The following SCML4 variants were observed in gnomAD, a reference collection of about 807,000 sequenced individuals.
The protein encoded by SCML4 is Scm polycomb group protein like 4.
A neutral mutation model predicts 41.1 loss-of-function variants in SCML4; 34 were observed. The ratio of observed to expected loss-of-function variants is 0.83; its 90% CI spans 0.63 to 1.10. SCML4 has a LOEUF of 1.10. SCML4 is among the 50% of genes least tolerant of loss of function. The pLI is 0.00. For synonymous variants in SCML4, 214 were observed against 220.9 expected, an observed-to-expected ratio of 0.97 and a Z score of 0.28; for missense variants, 522 against 534.1, an observed-to-expected ratio of 0.98 and a Z score of 0.22.
At chr6:107,712,661 C>G (rs1342926206) in intron 6 of SCML4, among the ~76,000 whole-genome samples, 4 of 152,126 alleles carry the variant, frequency 2.6e-5, no homozygotes, top group Non-Finnish European at 5.9e-5. Context: ...ACCTCGGGAG[C>G]TGCTCCTGAT....
rs746224053 is a variant in SCML4 at position 107,745,139 on chromosome 6, C to T, written c.492G>A (p.Ser164=). The T allele has an allele frequency of 3.3e-5, 52 of 1,566,954 alleles. No individual in the cohort carries two copies. Among genetic ancestry groups the T allele is most frequent in the Admixed American group, 5.7e-5 (3 of 52,770 alleles). Reference sequence around the variant, plus strand: ...GGTGCTGTTTGCCATCAAAGGAAGCCGAGACTGGAAAACCAGAGAGATGTC... The same window carrying T: ...GGTGCTGTTTGCCATCAAAGGAAGCTGAGACTGGAAAACCAGAGAGATGTC... ...QGYGGEMVSV[S]ASFDGKQHLR... is the part of the protein sequence containing the mutation. Residue 164 remains serine, a synonymous_variant, in exon 5 of 8, where the codon TCG becomes TCA. Transcript: ENST00000369020.
chr6:107,839,229 G>T, the SCML4 span, among the ~76,000 whole-genome samples: 1 of 151,808 alleles, frequency 6.6e-6, no homozygotes, highest in Non-Finnish European at 1.5e-5. Context: ...GGAAGACTGA[G>T]GCAGCAGTGA....
chr6:107,837,035 A>T, the SCML4 span, among the ~76,000 whole-genome samples: 1 of 152,154 alleles, frequency 6.6e-6, no homozygotes, highest in Non-Finnish European at 1.5e-5. Context: ...CCCTGCATAC[A>T]TTAGGAATTG....
intron 2 of SCML4, among the ~76,000 whole-genome samples, chr6:107,751,643 TTTC>T (rs869150188): frequency 6.9e-6 from 1 of 144,452 alleles, no homozygotes; most frequent in African/African-American, 2.6e-5. Context: ...TCTTTCTTTC[TTTC>T]TTTTTTGAGA....
At chr6:107,747,258 G>T (rs1583475717) in intron 3 of SCML4, among the ~76,000 whole-genome samples, 1 of 152,294 alleles carries the variant, frequency 6.6e-6, no homozygotes, top group African/African-American at 2.4e-5. Context: ...CTCCTCCAAA[G>T]GAGCTGTCAA....
intron 1 of SCML4, among the ~76,000 whole-genome samples, chr6:107,808,253 A>G (rs1327325024): frequency 9.2e-5 from 14 of 152,130 alleles, no homozygotes. Context: ...CCACAATGAC[A>G]TACACCCCAA....
chr6:107,764,678 CA>C (rs748488524), intron 2 of SCML4, among the ~76,000 whole-genome samples: 5 of 152,190 alleles, frequency 3.3e-5, no homozygotes, highest in African/African-American at 1.2e-4. Flanking sequence ...AAAAGAAAAA[CA>C]AAAAAGTTCT....
At chr6:107,810,061 C>T (rs1318743612) in intron 1 of SCML4, among the ~76,000 whole-genome samples, 2 of 152,174 alleles carry the variant, frequency 1.3e-5, no homozygotes, top group Non-Finnish European at 2.9e-5. Context: ...AGGCTGGCTG[C>T]TCGTGAGCAG....
At chr6:107,792,557 C>T (rs1782412017) in intron 1 of SCML4, among the ~76,000 whole-genome samples, 1 of 151,962 alleles carries the variant, frequency 6.6e-6, no homozygotes, top group African/African-American at 2.4e-5. Flanking sequence ...TGGTGAAACC[C>T]CATCTCTACT....
Position 107,704,700 on chromosome 6 carries a change from A to G in SCML4, c.*500T>C, listed in dbSNP as rs1773439382. 6.5e-6 allele frequency: 1 copy of G among 152,708 alleles called. No homozygotes were observed. The highest frequency in any genetic ancestry group is 1.5e-5 in the Non-Finnish European group (1 of 68,632). 9.5% of individuals were successfully genotyped at this position (152,708 alleles called of 1,614,324 possible). ...GCGTAAAATAATTCAAGTTTTCCAG[A>G]CAGTGCAAGGTGAGGCAGTCATCTT... On this transcript the variant is annotated 3_prime_UTR_variant, in exon 8 of 8. Coordinates refer to ENST00000369020, the MANE Select transcript of SCML4 (RefSeq NM_198081.5).
intron 5 of SCML4, among the ~76,000 whole-genome samples, chr6:107,742,112 A>T (rs1185706773): frequency 2.0e-5 from 3 of 151,842 alleles, no homozygotes; most frequent in African/African-American, 7.3e-5. Context: ...ATCAAACAGA[A>T]ATATTCAAAC....
chr6:107,757,482 C>T (rs1036737714), intron 2 of SCML4, among the ~76,000 whole-genome samples: 1 of 152,100 alleles, frequency 6.6e-6, no homozygotes. Context: ...CTGGCACATC[C>T]GCAGAGGGTA....
intron 1 of SCML4, among the ~76,000 whole-genome samples, chr6:107,812,843 C>A (rs1433150188): frequency 6.7e-6 from 1 of 149,706 alleles, no homozygotes; most frequent in Non-Finnish European, 1.5e-5. Flanking sequence ...ATCATTTGAC[C>A]AACTCCTTAT....
intron 5 of SCML4, among the ~76,000 whole-genome samples, chr6:107,742,766 C>T (rs1254446350): frequency 6.6e-6 from 1 of 151,882 alleles, no homozygotes; most frequent in East Asian, 1.9e-4. Flanking sequence ...GAGAATTCAC[C>T]ACCATCACAG....
chr6:107,746,580 G>T, intron 4 of SCML4, 109 bp downstream of exon 4: 2 of 937,346 alleles, frequency 2.1e-6, no homozygotes, highest in Non-Finnish European at 3.3e-6. Context: ...GAGCCCAGCA[G>T]ATGAAGGACA....
At chr6:107,803,260 GACCCTCTGCCTGGCAAC>G (rs1783397113) in intron 1 of SCML4, among the ~76,000 whole-genome samples, 2 of 140,296 alleles carry the variant, frequency 1.4e-5, no homozygotes, top group African/African-American at 2.7e-5. Context: ...GAAGTGAGGA[GACCCTCTGCCTGGCAAC>G]CGCCCCATCT....
chr6:107,812,261 C>T (rs531646870), intron 1 of SCML4, among the ~76,000 whole-genome samples: 4 of 152,220 alleles, frequency 2.6e-5, no homozygotes, highest in Non-Finnish European at 4.4e-5. Context: ...TCCCAGGAGA[C>T]ATTATGGAAG....
upstream of SCML4, among the ~76,000 whole-genome samples, chr6:107,828,309 C>T (rs914857700): frequency 4.6e-5 from 7 of 152,116 alleles, no homozygotes; most frequent in African/African-American, 9.7e-5. Flanking sequence ...TTCTATAACA[C>T]GGGACAAGGA....
intron 1 of SCML4, among the ~76,000 whole-genome samples, chr6:107,806,266 T>C (rs908563110): frequency 1.3e-5 from 2 of 152,042 alleles, no homozygotes; most frequent in Non-Finnish European, 2.9e-5. Context: ...CATGCTCATC[T>C]GCTCCTCATA....
Sources: gnomAD v4.1 joint callset for allele counts (sites outside exome capture counted in the v4.1 genomes callset) on GRCh38, gnomAD v4.1.1 for gene constraint, MANE v1.5 for transcripts, NCBI Gene and HGNC (gene_info 2026-07-23, HGNC 2026-07-21) for gene names.